The following SLIT3 variants were observed in gnomAD, a reference collection of about 807,000 sequenced individuals.
The protein encoded by SLIT3 is slit guidance ligand 3.
SLIT3 carries 68 observed loss-of-function variants against 184.0 expected under a neutral mutation model. The ratio of observed to expected loss-of-function variants is 0.37; its 90% CI spans 0.30 to 0.45. The LOEUF (loss-of-function observed/expected upper bound fraction) is 0.45. SLIT3 is among the 20% of genes least tolerant of loss of function. SLIT3 has a pLI of 1.00. For synonymous variants in SLIT3, 831 were observed against 828.6 expected (o/e 1.00, Z -0.05); for missense variants, 1,707 against 2,026.0 (o/e 0.84, Z 3.02).
At chr5:169,022,824 C>T (rs1264352031) in intron 4 of SLIT3, 1 of 151,996 alleles carries the variant, frequency 6.6e-6, no homozygotes, top group African/African-American at 2.4e-5. Context: ...AAAGCCAAGC[C>T]AAGAAACAAG....
intron 4 of SLIT3, among the ~76,000 whole-genome samples, chr5:169,052,882 C>T (rs1177724792): frequency 1.3e-5 from 2 of 152,210 alleles, no homozygotes; most frequent in Middle Eastern, 3.4e-3. Context: ...CCCTCCCTCA[C>T]CCCACTCTGT....
chr5:168,750,057 C>G (rs932310774), intron 18 of SLIT3, among the ~76,000 whole-genome samples: 1 of 152,156 alleles, frequency 6.6e-6, no homozygotes, highest in Admixed American at 6.5e-5. Flanking sequence ...ATACTTCAGC[C>G]CTATCATATC....
At chr5:168,817,501 G>C (rs762432283) in intron 7 of SLIT3, 38 bp from the exon 8 acceptor site, 1 of 1,608,146 alleles carries the variant, frequency 6.2e-7, no homozygotes, top group African/African-American at 1.3e-5. Context: ...CATGGTCACA[G>C]GTGAAGTGTG....
At chr5:168,748,509 G>T in intron 19 of SLIT3, 75 bp from the exon 20 acceptor site, 4 of 1,398,782 alleles carry the variant, frequency 2.9e-6, no homozygotes, top group Non-Finnish European at 3.8e-6. Context: ...GCAAGGCTGC[G>T]TGTTCTCCAC....
intron 4 of SLIT3, among the ~76,000 whole-genome samples, chr5:169,005,027 A>C (rs1755862617): frequency 6.6e-6 from 1 of 152,222 alleles, no homozygotes; most frequent in African/African-American, 2.4e-5. Context: ...ACCTGCATCA[A>C]GCAAGTCTAT....
chr5:169,140,027 G>A (rs1206027036), intron 4 of SLIT3, among the ~76,000 whole-genome samples: 1 of 152,088 alleles, frequency 6.6e-6, no homozygotes, highest in Non-Finnish European at 1.5e-5. Flanking sequence ...GCCAGAAATG[G>A]GTCCTTCTTC....
chr5:168,738,032 G>A (rs550974517), intron 20 of SLIT3, among the ~76,000 whole-genome samples: 14 of 152,218 alleles, frequency 9.2e-5, no homozygotes, highest in Admixed American at 3.9e-4. Context: ...TAGGAACTTC[G>A]TGCTGACTTA....
At chr5:169,162,624 C>G (rs1762515331) in intron 4 of SLIT3, among the ~76,000 whole-genome samples, 2 of 152,190 alleles carry the variant, frequency 1.3e-5, no homozygotes, top group Admixed American at 1.3e-4. Context: ...CACCATGAGT[C>G]AAAGCATCCG....
chr5:168,897,060 G>A (rs956468073), intron 4 of SLIT3, among the ~76,000 whole-genome samples: 6 of 152,182 alleles, frequency 3.9e-5, no homozygotes, highest in Non-Finnish European at 5.9e-5. Context: ...CTTTGGAGAA[G>A]GAAATCCTCA....
intron 4 of SLIT3, among the ~76,000 whole-genome samples, chr5:169,117,383 T>A (rs1041305096): frequency 2.6e-5 from 4 of 152,306 alleles, no homozygotes; most frequent in South Asian, 4.1e-4. Flanking sequence ...GGGCCCTTCG[T>A]GACAATTACT....
In SLIT3 at chr5:168,886,334, C is replaced by T. The variant is rs116713703; in HGVS notation, c.414-2998G>A. On this transcript the variant is annotated intron_variant, in intron 4 of 35. Transcript: ENST00000519560. ...GGTTCAGGGCTGGGCGCTTCATTTT[C>T]GGTAACAGTCCCTTCACAATTATCG... Among the ~76,000 whole-genome samples the T allele has an allele frequency of 5.7e-3, 861 of 152,198 alleles. 9 individuals carry two copies. The highest frequency in any genetic ancestry group is 0.02 in the African/African-American group (827 of 41,518).
chr5:168,901,616 G>C (rs1760877997), intron 4 of SLIT3, among the ~76,000 whole-genome samples: 1 of 152,126 alleles, frequency 6.6e-6, no homozygotes, highest in Admixed American at 6.5e-5. Context: ...AGAGCTAAAA[G>C]ATCCAACCAT....
intron 4 of SLIT3, among the ~76,000 whole-genome samples, chr5:168,975,132 G>T (rs10070568): frequency 6.6e-6 from 1 of 152,122 alleles, no homozygotes; most frequent in Non-Finnish European, 1.5e-5. Flanking sequence ...CCTGGACATG[G>T]TGCCTTCCTA....
chr5:169,061,061 G>T (rs1343226530), intron 4 of SLIT3, among the ~76,000 whole-genome samples: 1 of 152,134 alleles, frequency 6.6e-6, no homozygotes, highest in East Asian at 1.9e-4. Context: ...AATATAAATA[G>T]AATCTACCTT....
rs557211526 is a variant in SLIT3, at chr5:169,198,773, A to C, written c.342-5223T>G. ...ATGGTGAAACCCCGTCTCTACTAAAAATATAAAAATTAGCTTGGCATGGGG... is the reference window on the plus strand; with the variant it reads ...ATGGTGAAACCCCGTCTCTACTAAACATATAAAAATTAGCTTGGCATGGGG... On this transcript the variant is annotated intron_variant, in intron 3 of 35. Coordinates refer to ENST00000519560, the MANE Select transcript of SLIT3 (RefSeq NM_003062.4). Among the ~76,000 whole-genome samples, 48 of 152,116 alleles carry C rather than the reference A, an allele frequency of 3.2e-4. 1 individual carries two copies. The highest frequency in any genetic ancestry group is 2.6e-3 in the Admixed American group (39 of 15,276).
At chr5:168,701,440 G>A (rs1022055691) in intron 26 of SLIT3, among the ~76,000 whole-genome samples, 3 of 152,214 alleles carry the variant, frequency 2.0e-5, no homozygotes, top group African/African-American at 4.8e-5. Flanking sequence ...ACTCAGGGTG[G>A]TGTGGGATTC....
intron 4 of SLIT3, among the ~76,000 whole-genome samples, chr5:168,906,112 C>T (rs1319325143): frequency 6.6e-6 from 1 of 152,120 alleles, no homozygotes; most frequent in Non-Finnish European, 1.5e-5. Context: ...AGGAAGAGAT[C>T]ACATTCCTCT....
chr5:168,844,664 A>G lies in SLIT3; in HGVS notation c.486-9T>C. On this transcript the variant is annotated splice_polypyrimidine_tract_variant and intron_variant, in intron 5 of 35. Transcript: ENST00000519560. ...GGTTGTTGTCCAGTTGCCTGTGGAA[A>G]AGCAGGGGAGAGCATGAAGGCTGAG... 6.2e-7 allele frequency: 1 copy of G among 1,614,064 alleles called. No homozygotes were observed. The highest frequency in any genetic ancestry group is 8.5e-7 in the Non-Finnish European group (1 of 1,179,974).
At chr5:169,270,225 C>A (rs918809251) in intron 1 of SLIT3, among the ~76,000 whole-genome samples, 1 of 152,142 alleles carries the variant, frequency 6.6e-6, no homozygotes, top group East Asian at 1.9e-4. Context: ...ATTCAATCAG[C>A]GTTTATGAAT....
Sources: allele counts gnomAD v4.1 joint callset (sites outside exome capture counted in the v4.1 genomes callset), GRCh38; gene constraint gnomAD v4.1.1; transcripts MANE v1.5; gene names NCBI Gene and HGNC (gene_info 2026-07-23, HGNC 2026-07-21).